SAXO1: variants seen among roughly 807,000 people sequenced by gnomAD.
The protein encoded by SAXO1 is 4930500O09Rik.
A neutral mutation model predicts 17.5 loss-of-function variants in SAXO1; 21 were observed. The ratio of observed to expected loss-of-function variants is 1.20; its 90% CI spans 0.85 to 1.72. SAXO1 has a LOEUF of 1.72. SAXO1 is among the 40% of genes most tolerant of loss of function. The pLI, the probability that SAXO1 is intolerant of heterozygous loss-of-function variation, is 0.00. For missense variants in SAXO1, 843 were observed against 596.0 expected (o/e 1.41, Z -4.32); for synonymous variants, 274 against 216.5 (o/e 1.27, Z -2.33).
intron 1 of SAXO1, among the ~76,000 whole-genome samples, chr9:19,044,483 CA>C (rs748033687): frequency 3.9e-5 from 6 of 151,978 alleles, no homozygotes; most frequent in Admixed American, 1.3e-4. Context: ...ATGGCAAGAA[CA>C]AAAAATGGGG....
At chr9:19,030,418 G>C (rs1835708321) in intron 1 of SAXO1, among the ~76,000 whole-genome samples, 1 of 151,612 alleles carries the variant, frequency 6.6e-6, no homozygotes, top group Non-Finnish European at 1.5e-5. Context: ...TTAGAAAAGA[G>C]TCAATGTGCC....
intron 1 of SAXO1, among the ~76,000 whole-genome samples, chr9:18,972,659 G>A (rs547568476): frequency 6.6e-6 from 1 of 152,326 alleles, no homozygotes; most frequent in South Asian, 2.1e-4. Flanking sequence ...GGGCATTCAA[G>A]AGGAAATGGA....
Position 18,928,379 on chromosome 9 carries a change from C to G in SAXO1, c.1098G>C (p.Glu366Asp), listed in dbSNP as rs1177874448. The G allele has an allele frequency of 6.2e-7, 1 of 1,612,202 alleles. No homozygotes were observed. The change falls in exon 4 of 4, where the codon GAG (glutamate) becomes GAC (aspartate). Residue 366 changes from glutamate to aspartate, a missense_variant. Physicochemically the swap from Glu to Asp is conservative, Grantham distance 45. Coordinates refer to ENST00000380534, the MANE Select transcript of SAXO1 (RefSeq NM_153707.4). ...KPVPQLDLPT[E>D]PLDCLTTTRA... ...GAGTGGTGGTCAGGCAGTCCAGGGGCTCGGTGGGCAAGTCCAGCTGGGGAA... is the reference window on the plus strand; with the variant it reads ...GAGTGGTGGTCAGGCAGTCCAGGGGGTCGGTGGGCAAGTCCAGCTGGGGAA...
intron 1 of SAXO1, chr9:19,028,136 G>A (rs1835587913): frequency 5.0e-6 from 8 of 1,588,172 alleles, no homozygotes; most frequent in Non-Finnish European, 6.0e-6. Flanking sequence ...TACGCCTAGG[G>A]CACGGCAGGC....
intron 2 of SAXO1, among the ~76,000 whole-genome samples, chr9:18,944,905 T>A (rs556927700): frequency 6.6e-6 from 1 of 152,312 alleles, no homozygotes; most frequent in Non-Finnish European, 1.5e-5. Context: ...TATTAGTGTG[T>A]CCAAGTAATC....
At chr9:19,022,126 G>T (rs1035685483) in intron 1 of SAXO1, among the ~76,000 whole-genome samples, 9 of 152,214 alleles carry the variant, frequency 5.9e-5, no homozygotes, top group African/African-American at 2.2e-4. Context: ...CCTGAAATCA[G>T]CAAGACCACG....
chr9:19,037,711 A>C (rs1306277753), upstream of SAXO1, among the ~76,000 whole-genome samples: 2 of 152,092 alleles, frequency 1.3e-5, no homozygotes, highest in Non-Finnish European at 2.9e-5. Context: ...TGACTAATAC[A>C]CCATCTAAAC....
intron 2 of SAXO1, 26 bp from the exon 3 acceptor site, chr9:18,941,865 TG>T: frequency 6.2e-7 from 1 of 1,610,416 alleles, no homozygotes; most frequent in Non-Finnish European, 8.5e-7. Context: ...TGCATGCTGT[TG>T]GGGTCCTTGG....
At chr9:19,018,071 G>A (rs937862639) in intron 1 of SAXO1, among the ~76,000 whole-genome samples, 11 of 152,038 alleles carry the variant, frequency 7.2e-5, no homozygotes, top group African/African-American at 2.2e-4. Flanking sequence ...GGGAGGCTGA[G>A]GTGGGAGGAT....
intron 1 of SAXO1, among the ~76,000 whole-genome samples, chr9:18,972,464 T>C (rs1236162585): frequency 6.6e-6 from 1 of 152,242 alleles, no homozygotes; most frequent in Non-Finnish European, 1.5e-5. Context: ...AATATGAATA[T>C]TTGACATTTG....
At chr9:18,976,219 T>C (rs1306819202) in intron 1 of SAXO1, among the ~76,000 whole-genome samples, 1 of 152,112 alleles carries the variant, frequency 6.6e-6, no homozygotes, top group Non-Finnish European at 1.5e-5. Flanking sequence ...CTGAGTAGAG[T>C]AGAAAGAACT....
At position 18,927,884 on chromosome 9, in the gene SAXO1, T is replaced by C. The variant is rs990709776; in HGVS notation, c.*168A>G. ...AATTAGCCGGTGATTAAATGTCATTTTCCCTGAGTCAAGTGATTCTCATTT... is the reference window on the plus strand; with the variant it reads ...AATTAGCCGGTGATTAAATGTCATTCTCCCTGAGTCAAGTGATTCTCATTT... On this transcript the variant is annotated 3_prime_UTR_variant, in exon 4 of 4. Transcript: ENST00000380534. 1.5e-6 allele frequency: 1 copy of C among 683,216 alleles called. No homozygotes were observed. Among genetic ancestry groups the C allele is most frequent in the Non-Finnish European group, 2.3e-6 (1 of 435,376 alleles). 42.3% of individuals were successfully genotyped at this position (683,216 alleles called of 1,614,324 possible).
chr9:18,935,412 C>A (rs1831241140), intron 3 of SAXO1, among the ~76,000 whole-genome samples: 1 of 152,086 alleles, frequency 6.6e-6, no homozygotes, highest in South Asian at 2.1e-4. Flanking sequence ...CTCATGCCTC[C>A]CCTACACAAG....
intron 1 of SAXO1, among the ~76,000 whole-genome samples, chr9:19,030,276 GA>G (rs969994287): frequency 3.3e-5 from 5 of 150,630 alleles, no homozygotes; most frequent in Non-Finnish European, 5.9e-5. Flanking sequence ...AATCATGGGA[GA>G]AAAAAAAACT....
chr9:18,979,053 G>A (rs7022960), intron 1 of SAXO1, among the ~76,000 whole-genome samples: 99,233 of 152,072 alleles, frequency 0.65, 32,991 homozygotes, highest in Non-Finnish European at 0.73. Flanking sequence ...ATAAAGGTAA[G>A]GAAACTTAGA....
chr9:18,957,185 A>T (rs536772659), intron 1 of SAXO1, among the ~76,000 whole-genome samples: 1 of 152,164 alleles, frequency 6.6e-6, no homozygotes, highest in Non-Finnish European at 1.5e-5. Flanking sequence ...AAATATCCCA[A>T]TACAGACCAA....
At chr9:18,940,983 G>A (rs921532425) in intron 3 of SAXO1, among the ~76,000 whole-genome samples, 6 of 152,186 alleles carry the variant, frequency 3.9e-5, no homozygotes, top group African/African-American at 1.4e-4. Context: ...CAGAAATGGA[G>A]TAGTAATGTT....
chr9:19,006,390 A>C (rs1834482062), intron 1 of SAXO1, among the ~76,000 whole-genome samples: 1 of 152,248 alleles, frequency 6.6e-6, no homozygotes, highest in South Asian at 2.1e-4. Context: ...AGATAAATGG[A>C]TAAACAAAAT....
intron 3 of SAXO1, among the ~76,000 whole-genome samples, chr9:18,938,156 G>T (rs1052625747): frequency 6.6e-6 from 1 of 152,186 alleles, no homozygotes. Flanking sequence ...TAGGCAAGCA[G>T]TTAAGAGGTA....
Sources: allele counts gnomAD v4.1 joint callset (sites outside exome capture counted in the v4.1 genomes callset), GRCh38; gene constraint gnomAD v4.1.1; transcripts MANE v1.5; gene names NCBI Gene and HGNC (gene_info 2026-07-23, HGNC 2026-07-21).